JARID2: variants seen among roughly 807,000 people sequenced by gnomAD.
The protein encoded by JARID2 is jumonji and AT-rich interaction domain containing 2, also known as protein Jumonji.
In JARID2, 21 loss-of-function variants were observed where a neutral mutation model predicts 125.6. The ratio of observed to expected loss-of-function variants is 0.17; its 90% CI spans 0.12 to 0.24. JARID2 has a LOEUF of 0.24. JARID2 is among the 10% of genes least tolerant of loss of function. The probability of loss-of-function intolerance (pLI) is 1.00; values close to 1 mark genes in which losing one functional copy is unlikely to be tolerated. For synonymous variants in JARID2, 736 were observed against 661.6 expected, an observed-to-expected ratio of 1.11 and a Z score of -1.73; for missense variants, 1,303 against 1,639.6, an observed-to-expected ratio of 0.79 and a Z score of 3.55.
chr6:15,259,130 G>A (rs1193517643), intron 1 of JARID2, among the ~76,000 whole-genome samples: 5 of 152,186 alleles, frequency 3.3e-5, no homozygotes, highest in African/African-American at 2.4e-5. Context: ...AGTGTTCACA[G>A]TGTGACTAAG....
chr6:15,273,433 GGCTCACGCCTGTAATC>G (rs1760376553), intron 1 of JARID2, among the ~76,000 whole-genome samples: 1 of 152,212 alleles, frequency 6.6e-6, no homozygotes, highest in Non-Finnish European at 1.5e-5. Flanking sequence ...CAGATGTGGT[GGCTCACGCCTGTAATC>G]CCAGGACTTT....
chr6:15,256,230 A>G (rs1036494071), intron 1 of JARID2, among the ~76,000 whole-genome samples: 9 of 152,206 alleles, frequency 5.9e-5, no homozygotes, highest in African/African-American at 2.2e-4. Flanking sequence ...TGAATTCTGC[A>G]CTTTGATTCT....
At chr6:15,500,203 A>C (rs1770666032) in intron 7 of JARID2, among the ~76,000 whole-genome samples, 1 of 152,106 alleles carries the variant, frequency 6.6e-6, no homozygotes, top group South Asian at 2.1e-4. Flanking sequence ...CTGTGGCCTG[A>C]TCAGGAGGGG....
intron 2 of JARID2, among the ~76,000 whole-genome samples, chr6:15,375,073 G>C (rs1764301209): frequency 6.6e-6 from 1 of 152,128 alleles, no homozygotes; most frequent in South Asian, 2.1e-4. Context: ...CACCACATAT[G>C]GGGTACTTGA....
At chr6:15,379,659 A>G (rs1402623002) in intron 2 of JARID2, among the ~76,000 whole-genome samples, 1 of 152,216 alleles carries the variant, frequency 6.6e-6, no homozygotes, top group African/African-American at 2.4e-5. Flanking sequence ...AGTAGTTGTG[A>G]TGGCTAGCCT....
intron 1 of JARID2, among the ~76,000 whole-genome samples, chr6:15,366,279 A>G (rs1763969841): frequency 6.6e-6 from 1 of 152,104 alleles, no homozygotes; most frequent in Non-Finnish European, 1.5e-5. Flanking sequence ...AGGAAATAGC[A>G]ATCAATCCTT....
intron 1 of JARID2, among the ~76,000 whole-genome samples, chr6:15,295,494 A>G (rs893988883): frequency 3.9e-5 from 6 of 152,136 alleles, no homozygotes; most frequent in African/African-American, 1.4e-4. Context: ...GGGCCATTTC[A>G]ACGGAAAACA....
intron 1 of JARID2, among the ~76,000 whole-genome samples, chr6:15,365,476 G>A (rs1763942394): frequency 6.6e-6 from 1 of 152,170 alleles, no homozygotes; most frequent in Admixed American, 6.5e-5. Context: ...TGTCTGACAT[G>A]CTCAGACGCA....
At chr6:15,321,872 A>G (rs1342210172) in intron 1 of JARID2, among the ~76,000 whole-genome samples, 2 of 139,216 alleles carry the variant, frequency 1.4e-5, no homozygotes, top group Non-Finnish European at 3.0e-5. Context: ...GGCTCACTGC[A>G]AACTTCGCCT....
chr6:15,481,482 C>G (rs1041005543), intron 5 of JARID2, among the ~76,000 whole-genome samples: 1 of 152,122 alleles, frequency 6.6e-6, no homozygotes, highest in Non-Finnish European at 1.5e-5. Flanking sequence ...CTTTCCTCTT[C>G]TCTCCCTTTC....
At chr6:15,323,767 C>T (rs528571331) in intron 1 of JARID2, among the ~76,000 whole-genome samples, 63 of 152,120 alleles carry the variant, frequency 4.1e-4, no homozygotes, top group African/African-American at 5.8e-4. Flanking sequence ...TGGTGGTGTG[C>T]GCCTGTAATC....
chr6:15,345,032 T>TATTA (rs1299015104), intron 1 of JARID2, among the ~76,000 whole-genome samples: 1 of 152,214 alleles, frequency 6.6e-6, no homozygotes, highest in Admixed American at 6.5e-5. Context: ...CAGTGTAATT[T>TATTA]GTTTTTTTAA....
chr6:15,492,752 G>A (rs904728035), intron 6 of JARID2, among the ~76,000 whole-genome samples: 2 of 152,198 alleles, frequency 1.3e-5, no homozygotes, highest in Non-Finnish European at 2.9e-5. Flanking sequence ...TGGGTTTCGA[G>A]GAGGAAGATG....
chr6:15,413,875 T>C (rs1766011719), intron 3 of JARID2, among the ~76,000 whole-genome samples: 1 of 152,214 alleles, frequency 6.6e-6, no homozygotes, highest in Non-Finnish European at 1.5e-5. Context: ...GATCTCACCC[T>C]CTCAGCACTG....
chr6:15,408,245 C>G (rs1765729360), intron 2 of JARID2, among the ~76,000 whole-genome samples: 1 of 152,120 alleles, frequency 6.6e-6, no homozygotes, highest in South Asian at 2.1e-4. Context: ...GAGCGAGACC[C>G]TATCTCAAAA....
chr6:15,422,200 C>G (rs967379173), intron 3 of JARID2, among the ~76,000 whole-genome samples: 1 of 152,212 alleles, frequency 6.6e-6, no homozygotes, highest in South Asian at 2.1e-4. Flanking sequence ...GCAAGTAGAT[C>G]TGTGATTACT....
chr6:15,495,581 C>T (rs1267703637), intron 6 of JARID2, among the ~76,000 whole-genome samples: 1 of 152,204 alleles, frequency 6.6e-6, no homozygotes, highest in Admixed American at 6.5e-5. Context: ...CTTTTGCTTC[C>T]ATAGTATTTT....
At chr6:15,410,814 T>C (rs1581520765) in intron 3 of JARID2, among the ~76,000 whole-genome samples, 1 of 152,242 alleles carries the variant, frequency 6.6e-6, no homozygotes, top group Non-Finnish European at 1.5e-5. Flanking sequence ...GTATTTTTAA[T>C]CCCTTGCTGT....
intron 2 of JARID2, among the ~76,000 whole-genome samples, chr6:15,380,372 G>GGA (rs1764534031): frequency 6.6e-6 from 1 of 152,122 alleles, no homozygotes; most frequent in African/African-American, 2.4e-5. Context: ...AAAGAACCTT[G>GGA]GAAGGCATGG....
Sources: allele counts gnomAD v4.1 joint callset (sites outside exome capture counted in the v4.1 genomes callset), GRCh38; gene constraint gnomAD v4.1.1; transcripts MANE v1.5; gene names NCBI Gene and HGNC (gene_info 2026-07-23, HGNC 2026-07-21).